The following PAIP2B variants were observed in gnomAD, a reference collection of about 807,000 sequenced individuals.
PAIP2B encodes poly(A) binding protein interacting protein 2B, also known as polyadenylate-binding protein-interacting protein 2B.
Under a neutral mutation model 17.0 loss-of-function variants are expected in PAIP2B, and 13 were observed. That is an observed-to-expected ratio of 0.76 (90% CI 0.50 to 1.22). The LOEUF (loss-of-function observed/expected upper bound fraction) is 1.22. Among genes scored for constraint, PAIP2B ranks in the 50% most tolerant of loss-of-function variants. The pLI is 0.00. For synonymous variants in PAIP2B, 43 were observed against 48.7 expected, an observed-to-expected ratio of 0.88 and a Z score of 0.48; for missense variants, 117 against 144.5, an observed-to-expected ratio of 0.81 and a Z score of 0.98.
rs1374047867 is a variant in PAIP2B at position 71,186,087 on chromosome 2, G to T, written c.*2392C>A. ...ACAAGTCTTACCATTAAAGGGTAAAGGTGTCCAGTCTGGCTTGCTGGTTCT... is the reference window on the plus strand; with the variant it reads ...ACAAGTCTTACCATTAAAGGGTAAATGTGTCCAGTCTGGCTTGCTGGTTCT... On this transcript the variant is annotated 3_prime_UTR_variant, in exon 4 of 4. Transcript: ENST00000244221. 1 of 152,202 alleles carries T rather than the reference G, an allele frequency of 6.6e-6. No individual in the cohort carries two copies. Among genetic ancestry groups the T allele is most frequent in the African/African-American group, 2.4e-5 (1 of 41,448 alleles). 9.4% of individuals were successfully genotyped at this position (152,202 alleles called of 1,614,324 possible). A position where few individuals can be genotyped will look rare whatever the true frequency, so the allele number is the denominator to read the frequency against.
chr2:71,207,403 G>C (rs1308937177), intron 1 of PAIP2B, among the ~76,000 whole-genome samples: 1 of 152,160 alleles, frequency 6.6e-6, no homozygotes, highest in Non-Finnish European at 1.5e-5. Flanking sequence ...GATGAGGTTG[G>C]AGAGGCAGGT....
chr2:71,188,943 G>GC (rs1674611711), intron 3 of PAIP2B, among the ~76,000 whole-genome samples: 1 of 150,976 alleles, frequency 6.6e-6, no homozygotes, highest in African/African-American at 2.4e-5. Flanking sequence ...CAAAACCTTA[G>GC]CAAACCACAG....
intron 2 of PAIP2B, among the ~76,000 whole-genome samples, chr2:71,195,928 C>T (rs575613720): frequency 3.9e-5 from 6 of 152,120 alleles, no homozygotes; most frequent in South Asian, 2.1e-4. Context: ...TGAGCCACCA[C>T]GCCTGGCCTA....
chr2:71,226,405 A>T (rs909896557), intron 1 of PAIP2B, among the ~76,000 whole-genome samples: 8 of 152,216 alleles, frequency 5.3e-5, no homozygotes, highest in Admixed American at 3.3e-4. Flanking sequence ...TGAGGCATGA[A>T]GAATGAGGGC....
At chr2:71,213,323 A>C (rs1179984168) in intron 1 of PAIP2B, among the ~76,000 whole-genome samples, 1 of 152,216 alleles carries the variant, frequency 6.6e-6, no homozygotes, top group Non-Finnish European at 1.5e-5. Flanking sequence ...GGAGCCAAGC[A>C]GCATAATACA....
chr2:71,190,624 G>A (rs1401485207), intron 2 of PAIP2B, among the ~76,000 whole-genome samples: 1 of 152,114 alleles, frequency 6.6e-6, no homozygotes, highest in Admixed American at 6.5e-5. Flanking sequence ...GATGTTCTAC[G>A]ATCTCTAATA....
At chr2:71,223,269 T>TTA in intron 1 of PAIP2B, among the ~76,000 whole-genome samples, 1 of 151,870 alleles carries the variant, frequency 6.6e-6, no homozygotes, top group Non-Finnish European at 1.5e-5. Context: ...AAAAATTCGT[T>TTA]GGGTGTGGTG....
chr2:71,217,128 C>CTA lies in PAIP2B; in HGVS notation c.-12+9798_-12+9799dup, dbSNP rs1055681445. ...AAGAGAAGAAAAGTGGAATTATTGGCTATATATATATATTTTAATTTTTTT... is the reference window on the plus strand; with the variant it reads ...AAGAGAAGAAAAGTGGAATTATTGGCTATATATATATATATTTTAATTTTTTT... On this transcript the variant is annotated intron_variant, in intron 1 of 3. Coordinates refer to ENST00000244221, the MANE Select transcript of PAIP2B (RefSeq NM_020459.1). 5.0e-4 allele frequency among the ~76,000 whole-genome samples: 76 copies of CTA among 151,968 alleles called. 1 individual carries two copies. Among genetic ancestry groups the CTA allele is most frequent in the African/African-American group, 1.5e-3 (61 of 41,472 alleles).
intron 1 of PAIP2B, among the ~76,000 whole-genome samples, chr2:71,226,057 C>T (rs947003540): frequency 4.6e-5 from 7 of 152,136 alleles, no homozygotes; most frequent in African/African-American, 1.4e-4. Context: ...AATTTAAATC[C>T]CTTGCTTCTA....
intron 2 of PAIP2B, among the ~76,000 whole-genome samples, chr2:71,199,086 C>G (rs1021843209): frequency 6.6e-6 from 1 of 152,126 alleles, no homozygotes; most frequent in African/African-American, 2.4e-5. Flanking sequence ...TCCACTTTAT[C>G]CAGTACTTAT....
intron 1 of PAIP2B, among the ~76,000 whole-genome samples, chr2:71,215,387 C>T (rs765596758): frequency 3.3e-5 from 5 of 152,130 alleles, no homozygotes; most frequent in African/African-American, 4.8e-5. Context: ...AAAGGTGAGG[C>T]GCAAAATCTG....
intron 1 of PAIP2B, among the ~76,000 whole-genome samples, chr2:71,222,086 C>T (rs1308428841): frequency 2.0e-5 from 3 of 152,240 alleles, no homozygotes; most frequent in Non-Finnish European, 4.4e-5. Flanking sequence ...CTTGCTACCG[C>T]TCACTCTTTG....
chr2:71,190,322 A>C (rs1674656399), intron 2 of PAIP2B, among the ~76,000 whole-genome samples: 1 of 152,070 alleles, frequency 6.6e-6, no homozygotes, highest in Non-Finnish European at 1.5e-5. Context: ...TACTTGGGAG[A>C]CTGAGGCTGG....
chr2:71,219,082 AT>A (rs568552077), intron 1 of PAIP2B, among the ~76,000 whole-genome samples: 2,874 of 113,934 alleles, frequency 0.025, 29 homozygotes, highest in South Asian at 0.055. Flanking sequence ...CGCCTAGCTA[AT>A]TTTTTTTTTT....
At chr2:71,207,975 A>C (rs1304940743) in intron 1 of PAIP2B, among the ~76,000 whole-genome samples, 1 of 152,228 alleles carries the variant, frequency 6.6e-6, no homozygotes, top group Non-Finnish European at 1.5e-5. Flanking sequence ...CACCAAGAAT[A>C]GGAGAAGTCT....
chr2:71,214,562 A>G (rs1675380622), intron 1 of PAIP2B, among the ~76,000 whole-genome samples: 1 of 152,228 alleles, frequency 6.6e-6, no homozygotes. Context: ...TAATATCCAA[A>G]CAGCTCTAAA....
intron 1 of PAIP2B, among the ~76,000 whole-genome samples, chr2:71,216,047 T>C (rs901021759): frequency 1.3e-5 from 2 of 152,224 alleles, no homozygotes; most frequent in Non-Finnish European, 2.9e-5. Flanking sequence ...TGAAGGAGAC[T>C]ATATTATCCA....
chr2:71,188,631 G>A, intron 3 of PAIP2B, 96 bp from the exon 4 acceptor site: 1 of 1,051,234 alleles, frequency 9.5e-7, no homozygotes, highest in South Asian at 1.4e-5. Flanking sequence ...TTAGCTTTAG[G>A]GAGAGAAAGA....
At chr2:71,203,036 T>C (rs894037225) in intron 1 of PAIP2B, among the ~76,000 whole-genome samples, 1 of 152,180 alleles carries the variant, frequency 6.6e-6, no homozygotes, top group African/African-American at 2.4e-5. Context: ...TAAAATGTAT[T>C]TTAAAAAATA....
Sources: gnomAD v4.1 joint callset for allele counts (sites outside exome capture counted in the v4.1 genomes callset) on GRCh38, gnomAD v4.1.1 for gene constraint, MANE v1.5 for transcripts, NCBI Gene and HGNC (gene_info 2026-07-23, HGNC 2026-07-21) for gene names.